ZNF423: variants seen among roughly 807,000 people sequenced by gnomAD.
ZNF423 encodes zinc finger protein 423, also known as Ebf-associated zinc finger protein.
ZNF423 carries 12 observed loss-of-function variants against 95.8 expected under a neutral mutation model. The ratio of observed to expected loss-of-function variants is 0.13; its 90% CI spans 0.08 to 0.20. The LOEUF is 0.20. Ranked by LOEUF, ZNF423 falls within the 10% of genes least tolerant of loss-of-function variation. The pLI is 1.00. For synonymous variants in ZNF423, 749 were observed against 711.9 expected (o/e 1.05, Z -0.83); for missense variants, 1,316 against 1,737.1 (o/e 0.76, Z 4.31).
At chr16:49,544,333 G>A (rs1418991841) in intron 5 of ZNF423, among the ~76,000 whole-genome samples, 1 of 152,196 alleles carries the variant, frequency 6.6e-6, no homozygotes, top group Non-Finnish European at 1.5e-5. Context: ...AACTCATCAA[G>A]CTGTGCACTT....
In ZNF423 at chr16:49,637,033, G is replaced by A; in HGVS notation, c.2143C>T (p.Leu715=). The A allele has an allele frequency of 1.2e-6, 2 of 1,613,980 alleles. No individual in the cohort carries two copies. The highest frequency in any genetic ancestry group is 2.2e-5 in the South Asian group (2 of 91,084). ...TGCATGTCCAGCAGGTGCTTCTGCA[G>A]GTCATCCACCGAGGAAAATTGCTTG... ...CDKQFSSVDD[L]QKHLLDMHTF... Residue 715 remains leucine (L), a synonymous_variant, in exon 4 of 8, where the codon CTG becomes TTG. Coordinates refer to ENST00000563137, the MANE Select transcript of ZNF423 (RefSeq NM_001379286.1). The surrounding 1 kb of genome is among the most constrained non-coding windows in gnomAD (Gnocchi z 5.6).
At chr16:49,696,551 C>T (rs544897102) in intron 3 of ZNF423, among the ~76,000 whole-genome samples, 1 of 152,164 alleles carries the variant, frequency 6.6e-6, no homozygotes, top group Non-Finnish European at 1.5e-5. Flanking sequence ...GCCCGCCAGG[C>T]CTGGCTGGCC....
rs201361462 is a variant in ZNF423, at chr16:49,590,029, AATATATAT to A, written c.3601+36133_3601+36140del. ...GGGATGGGGTAAAGGGGAAGTGGCG[AATATATAT>A]ATATATATATATATTTGGTCCATAC... On this transcript the variant is annotated intron_variant, in intron 5 of 7. Transcript: ENST00000563137. Among the ~76,000 whole-genome samples, 43 of 97,598 alleles carry A rather than the reference AATATATAT, an allele frequency of 4.4e-4. 6 individuals carry two copies. Among genetic ancestry groups the A allele is most frequent in the East Asian group, 1.5e-3 (3 of 1,988 alleles). 64.0% of individuals were successfully genotyped at this position (97,598 alleles called of 152,430 possible). A position where few individuals can be genotyped will look rare whatever the true frequency, so the allele number is the denominator to read the frequency against.
chr16:49,819,696 G>A (rs1418067448), intron 1 of ZNF423, among the ~76,000 whole-genome samples: 5 of 152,046 alleles, frequency 3.3e-5, no homozygotes, highest in Non-Finnish European at 7.4e-5. Context: ...TGATCCACCC[G>A]CCTTGGCCTC....
intron 1 of ZNF423, among the ~76,000 whole-genome samples, chr16:49,836,963 A>G (rs2035126894): frequency 6.6e-6 from 1 of 152,244 alleles, no homozygotes; most frequent in African/African-American, 2.4e-5. Context: ...ATTTTGAGCC[A>G]ACAGATACAG....
chr16:49,759,195 C>T (rs981428287), intron 2 of ZNF423, among the ~76,000 whole-genome samples: 3 of 152,106 alleles, frequency 2.0e-5, no homozygotes, highest in East Asian at 1.9e-4. Context: ...GCCAGGAGTT[C>T]GAGACCATCT....
chr16:49,799,748 G>A (rs1174370983), intron 1 of ZNF423, among the ~76,000 whole-genome samples: 3 of 152,136 alleles, frequency 2.0e-5, no homozygotes, highest in Non-Finnish European at 2.9e-5. Flanking sequence ...TGTAAAATAG[G>A]ACAATGAGTG....
intron 1 of ZNF423, among the ~76,000 whole-genome samples, chr16:49,801,249 T>A (rs553680263): frequency 6.6e-6 from 1 of 152,240 alleles, no homozygotes; most frequent in African/African-American, 2.4e-5. Flanking sequence ...CTGGCCCAGG[T>A]CCCTCACGTC....
chr16:49,829,541 C>A (rs969564774), intron 1 of ZNF423, among the ~76,000 whole-genome samples: 1 of 152,194 alleles, frequency 6.6e-6, no homozygotes, highest in African/African-American at 2.4e-5. Flanking sequence ...ATGTCCAGAC[C>A]AGCATCCATG....
At chr16:49,801,774 C>T (rs916393270) in intron 1 of ZNF423, among the ~76,000 whole-genome samples, 5 of 152,166 alleles carry the variant, frequency 3.3e-5, no homozygotes, top group Non-Finnish European at 5.9e-5. Context: ...TTATTAACCC[C>T]ATTTTACAGA....
Position 49,635,044 on chromosome 16 carries a change from A to G in ZNF423, c.3516+616T>C, listed in dbSNP as rs12919799. Among the ~76,000 whole-genome samples, 84,977 of 152,130 alleles carry G rather than the reference A, an allele frequency of 0.56. 26,730 individuals carry two copies. Among genetic ancestry groups the G allele is most frequent in the African/African-American group, 0.88 (36,415 of 41,512 alleles). On this transcript the variant is annotated intron_variant, in intron 4 of 7. Coordinates refer to ENST00000563137, the MANE Select transcript of ZNF423 (RefSeq NM_001379286.1). The surrounding 1 kb of genome is among the most constrained non-coding windows in gnomAD (Gnocchi z 4.8). ...TAACAATAACAGCAATTGAAACCACATCAAAGGGCCTTCCACATACCAGCA... is the reference window on the plus strand; with the variant it reads ...TAACAATAACAGCAATTGAAACCACGTCAAAGGGCCTTCCACATACCAGCA...
intron 3 of ZNF423, among the ~76,000 whole-genome samples, chr16:49,697,761 G>A (rs1447991200): frequency 7.9e-5 from 12 of 152,358 alleles, no homozygotes; most frequent in Middle Eastern, 3.4e-3. Flanking sequence ...GTGTCCCAGC[G>A]TGTGCACGTT....
chr16:49,532,249 A>G (rs1431565787), intron 5 of ZNF423, among the ~76,000 whole-genome samples: 2 of 152,118 alleles, frequency 1.3e-5, no homozygotes, highest in South Asian at 2.1e-4. Flanking sequence ...GTGGGTGGCT[A>G]ACACTCCCCC....
chr16:49,675,013 G>A (rs886129565), intron 3 of ZNF423, among the ~76,000 whole-genome samples: 4 of 152,118 alleles, frequency 2.6e-5, no homozygotes, highest in South Asian at 2.1e-4. Flanking sequence ...CTGAACAGCC[G>A]CCCAGGGCAG....
At chr16:49,549,528 C>G (rs995911297) in intron 5 of ZNF423, among the ~76,000 whole-genome samples, 2 of 152,210 alleles carry the variant, frequency 1.3e-5, no homozygotes, top group Admixed American at 6.5e-5. Context: ...CTCCTCTCCT[C>G]CAGAGGTTGG....
At chr16:49,511,575 G>A (rs1967896810) in intron 7 of ZNF423, among the ~76,000 whole-genome samples, 1 of 152,224 alleles carries the variant, frequency 6.6e-6, no homozygotes, top group African/African-American at 2.4e-5. Flanking sequence ...AAGCACTCAG[G>A]AAATGCTGTC....
At chr16:49,769,803 C>T (rs4785343) in intron 2 of ZNF423, among the ~76,000 whole-genome samples, 23,682 of 150,060 alleles carry the variant, frequency 0.16, 1,981 homozygotes, top group South Asian at 0.25. Context: ...CCAAGCCCAC[C>T]TCTCCCTCCT....
At chr16:49,698,008 T>C (rs939625171) in intron 3 of ZNF423, among the ~76,000 whole-genome samples, 1 of 151,364 alleles carries the variant, frequency 6.6e-6, no homozygotes, top group East Asian at 1.9e-4. Context: ...TGGGGGTGCG[T>C]GTGTGTGTGT....
chr16:49,601,780 C>T (rs948681360), intron 5 of ZNF423, among the ~76,000 whole-genome samples: 1 of 152,256 alleles, frequency 6.6e-6, no homozygotes, highest in African/African-American at 2.4e-5. Flanking sequence ...TGCTCAGGAA[C>T]ACAGCCGCAG....
Sources: gnomAD v4.1 joint callset for allele counts (sites outside exome capture counted in the v4.1 genomes callset) on GRCh38, gnomAD v4.1.1 for gene constraint, Gnocchi (gnomAD v3.1) non-coding constraint, MANE v1.5 for transcripts, NCBI Gene and HGNC (gene_info 2026-07-23, HGNC 2026-07-21) for gene names.